GDPD5: variants seen among roughly 807,000 people sequenced by gnomAD.
GDPD5 encodes the protein glycerophosphodiester phosphodiesterase domain containing 5, also known as glycerophosphodiester phosphodiesterase 2.
GDPD5 carries 48 observed loss-of-function variants against 75.1 expected under a neutral mutation model. The ratio of observed to expected loss-of-function variants is 0.64; its 90% CI spans 0.51 to 0.81. The LOEUF (loss-of-function observed/expected upper bound fraction) is 0.81. Ranked by LOEUF, GDPD5 falls within the 40% of genes least tolerant of loss-of-function variation. The pLI is 0.00. For missense variants in GDPD5, 706 were observed against 822.6 expected, an observed-to-expected ratio of 0.86 and a Z score of 1.73; for synonymous variants, 336 against 339.0, an observed-to-expected ratio of 0.99 and a Z score of 0.10.
chr11:75,502,530 A>T (rs1950319386), intron 1 of GDPD5, among the ~76,000 whole-genome samples: 1 of 152,212 alleles, frequency 6.6e-6, no homozygotes, highest in South Asian at 2.1e-4. Flanking sequence ...ACTGTAGCAG[A>T]TGGTATTTCC....
chr11:75,435,669 G>T lies in GDPD5; in HGVS notation c.1670-14C>A. 6.3e-7 allele frequency: 1 copy of T among 1,584,306 alleles called. No individual in the cohort carries two copies. Among genetic ancestry groups the T allele is most frequent in the South Asian group, 1.1e-5 (1 of 87,358 alleles). On this transcript the variant is annotated splice_polypyrimidine_tract_variant and intron_variant, in intron 16 of 16. Transcript: ENST00000336898. ...CATCGCTGATCTCTGCTGGGCCAGA[G>T]GGAGACAGAATGTGAGTCGGGGAGG...
At chr11:75,512,375 C>G (rs1950542248) in intron 1 of GDPD5, among the ~76,000 whole-genome samples, 1 of 150,102 alleles carries the variant, frequency 6.7e-6, no homozygotes, top group African/African-American at 2.5e-5. Flanking sequence ...CTGTGGGCAG[C>G]AGAATAAAGG....
Position 75,449,592 on chromosome 11 carries a change from G to A in GDPD5, c.493C>T (p.His165Tyr), listed in dbSNP as rs1284218237. 9 of 1,583,102 alleles carry A rather than the reference G, an allele frequency of 5.7e-6. No homozygotes were observed. Among genetic ancestry groups the A allele is most frequent in the Non-Finnish European group, 6.9e-6 (8 of 1,164,678 alleles). ...ISLQGTAPFL[H>Y]VGAVAAVTML... ...GTGACTGCTGCCACAGCCCCCACATGCAGGAATGGCGCTGTGCCCTGTTTG... is the reference window on the plus strand; with the variant it reads ...GTGACTGCTGCCACAGCCCCCACATACAGGAATGGCGCTGTGCCCTGTTTG... Residue 165 changes from histidine (H) to tyrosine (Y), a missense_variant, in exon 8 of 17, where the codon CAT (histidine) becomes TAT (tyrosine). Coordinates refer to ENST00000336898, the MANE Select transcript of GDPD5 (RefSeq NM_030792.8).
chr11:75,498,041 T>A (rs1293443929), intron 1 of GDPD5, among the ~76,000 whole-genome samples: 1 of 149,284 alleles, frequency 6.7e-6, no homozygotes, highest in Non-Finnish European at 1.5e-5. Context: ...ACACAGCAGG[T>A]GACAGAGTGT....
At chr11:75,435,795 G>A in intron 16 of GDPD5, 140 bp from the exon 17 acceptor site, 1 of 788,782 alleles carries the variant, frequency 1.3e-6, no homozygotes, top group East Asian at 2.7e-5. Flanking sequence ...TCGACATTGA[G>A]CCTGGCACTC....
chr11:75,495,909 TC>T (rs1950200281), intron 1 of GDPD5, among the ~76,000 whole-genome samples: 1 of 152,182 alleles, frequency 6.6e-6, no homozygotes, highest in Middle Eastern at 3.2e-3. Flanking sequence ...AGCCCTGCCT[TC>T]CCCAGTTTGC....
intron 3 of GDPD5, among the ~76,000 whole-genome samples, chr11:75,474,163 G>A (rs1286655301): frequency 6.6e-6 from 1 of 152,184 alleles, no homozygotes; most frequent in Non-Finnish European, 1.5e-5. Context: ...TCTTCCTGGA[G>A]GAAATCAATT....
chr11:75,442,639 A>T, intron 11 of GDPD5, 58 bp from the exon 12 acceptor site: 1 of 1,524,322 alleles, frequency 6.6e-7, no homozygotes, highest in Non-Finnish European at 9.0e-7. Flanking sequence ...GGGCCCCCAC[A>T]TACCCTTCTG....
rs542727176 is a variant in GDPD5, at chr11:75,458,789, TTTTG to T, written c.222-1007_222-1004del. On this transcript the variant is annotated intron_variant, in intron 4 of 16. Coordinates refer to ENST00000336898, the MANE Select transcript of GDPD5 (RefSeq NM_030792.8). ...TAACTACTCAATAAACTCTCTTTGT[TTTTG>T]TTTGTTTGTTTGAGACAGGGTCTCT... 7.6e-3 allele frequency among the ~76,000 whole-genome samples: 1,151 copies of T among 152,198 alleles called. 2 individuals are homozygous for T. The highest frequency in any genetic ancestry group is 0.012 in the Non-Finnish European group (821 of 68,016).
Position 75,449,520 on chromosome 11 carries a change from T to A in GDPD5, c.565A>T (p.Thr189Ser). The change falls in exon 8 of 17, where the codon ACC becomes TCC. Residue 189 changes from threonine to serine, a missense_variant. Coordinates refer to ENST00000336898, the MANE Select transcript of GDPD5 (RefSeq NM_030792.8). ...GGCCCTTCACAGTTCTACTCACAGG[T>A]CCGCTCTGCGCGGGCGAACTGTCCT... The part of the protein sequence containing the change: ...VAGQFARAER[T>S]SSQVTILCTF... The A allele has an allele frequency of 6.4e-7, 1 of 1,569,522 alleles. No individual in the cohort carries two copies. The highest frequency in any genetic ancestry group is 8.6e-7 in the Non-Finnish European group (1 of 1,157,170).
chr11:75,473,016 T>G (rs150337859), intron 3 of GDPD5, among the ~76,000 whole-genome samples: 204 of 151,810 alleles, frequency 1.3e-3, no homozygotes, highest in African/African-American at 4.8e-3. Context: ...GACAGGGCAT[T>G]CCAAGCAGAG....
intron 9 of GDPD5, among the ~76,000 whole-genome samples, chr11:75,446,506 C>T (rs1948991103): frequency 6.6e-6 from 1 of 152,086 alleles, no homozygotes; most frequent in African/African-American, 2.4e-5. Flanking sequence ...GGTTAAGAGA[C>T]CCAGATTTAT....
chr11:75,471,334 A>T (rs1431161832), intron 3 of GDPD5, among the ~76,000 whole-genome samples: 2 of 152,190 alleles, frequency 1.3e-5, no homozygotes, highest in Non-Finnish European at 2.9e-5. Flanking sequence ...CGAGCAGGGA[A>T]AGGGATTAGA....
At chr11:75,495,023 T>TGGTC (rs1950184914) in intron 1 of GDPD5, among the ~76,000 whole-genome samples, 1 of 151,926 alleles carries the variant, frequency 6.6e-6, no homozygotes, top group African/African-American at 2.4e-5. Context: ...ATCTCAGCAC[T>TGGTC]TTGGGAGACC....
intron 3 of GDPD5, among the ~76,000 whole-genome samples, chr11:75,467,348 C>T (rs577827281): frequency 1.1e-4 from 16 of 152,312 alleles, no homozygotes; most frequent in East Asian, 5.8e-4. Context: ...CACTGGGCTG[C>T]GAGCTCCCTC....
Position 75,491,711 on chromosome 11 carries a change from A to C in GDPD5, c.-144-1391T>G, listed in dbSNP as rs148610388. 3.6e-3 allele frequency among the ~76,000 whole-genome samples: 543 copies of C among 152,338 alleles called. 2 individuals are homozygous for C. Among genetic ancestry groups the C allele is most frequent in the Middle Eastern group, 0.01 (3 of 294 alleles). On this transcript the variant is annotated intron_variant, in intron 1 of 16. Coordinates refer to ENST00000336898, the MANE Select transcript of GDPD5 (RefSeq NM_030792.8). Reference sequence around the variant, plus strand: ...GTGCCTCAATCTCCTTAGGTATAAAATACTACTACTAATAAAACCTACCCC... The same window carrying C: ...GTGCCTCAATCTCCTTAGGTATAAACTACTACTACTAATAAAACCTACCCC...
chr11:75,462,570 C>G (rs1485822886), intron 4 of GDPD5, among the ~76,000 whole-genome samples: 2 of 152,078 alleles, frequency 1.3e-5, no homozygotes, highest in African/African-American at 4.8e-5. Context: ...CTGGCACTTC[C>G]CACTATAGTC....
In GDPD5 at chr11:75,477,769, G is replaced by C; in HGVS notation, c.-34C>G. ...CCACGGCCCTGGCGCCTGGCCCTCA[G>C]GCGCCCATGGAGGCCCCCAGCTTGT... On this transcript the variant is annotated 5_prime_UTR_variant, in exon 3 of 17. Transcript: ENST00000336898. The C allele has an allele frequency of 6.8e-7, 1 of 1,475,228 alleles. No homozygotes were observed. Among genetic ancestry groups the C allele is most frequent in the Non-Finnish European group, 9.2e-7 (1 of 1,088,080 alleles). The allele number at this position is 1,475,228 out of a possible 1,614,324, so 91.4% of individuals were successfully genotyped here.
chr11:75,493,556 C>A (rs969781197), intron 1 of GDPD5, among the ~76,000 whole-genome samples: 2 of 151,962 alleles, frequency 1.3e-5, no homozygotes, highest in African/African-American at 2.4e-5. Context: ...CATGCTACCA[C>A]GCCAGGCCTC....
Sources: allele counts gnomAD v4.1 joint callset (sites outside exome capture counted in the v4.1 genomes callset), GRCh38; gene constraint gnomAD v4.1.1; transcripts MANE v1.5; gene names NCBI Gene and HGNC (gene_info 2026-07-23, HGNC 2026-07-21).